Variants in PEPD observed in about 807,000 individuals in gnomAD.
The protein encoded by PEPD is xaa-Pro dipeptidase.
Under a neutral mutation model 60.7 loss-of-function variants are expected in PEPD, and 53 were observed. The ratio of observed to expected loss-of-function variants is 0.87; its 90% CI spans 0.70 to 1.10. The LOEUF is 1.10. Among genes scored for constraint, PEPD ranks in the 50% least tolerant of loss-of-function variants. PEPD has a pLI of 0.00. For missense variants in PEPD, 711 were observed against 711.9 expected, an observed-to-expected ratio of 1.00 and a Z score of 0.01; for synonymous variants, 267 against 284.1, an observed-to-expected ratio of 0.94 and a Z score of 0.60.
chr19:33,413,305 G>A (rs1203875243), intron 10 of PEPD, among the ~76,000 whole-genome samples: 2 of 152,224 alleles, frequency 1.3e-5, no homozygotes, highest in African/African-American at 4.8e-5. Context: ...GACCAGCTGG[G>A]GACAGGAGGG....
intron 9 of PEPD, among the ~76,000 whole-genome samples, chr19:33,436,359 G>A (rs1969376360): frequency 1.3e-5 from 2 of 152,166 alleles, no homozygotes; most frequent in African/African-American, 2.4e-5. Flanking sequence ...CCCTGCCTAA[G>A]AGGCAGGCGG....
At position 33,411,663 on chromosome 19, in the gene PEPD, C is replaced by T; in HGVS notation, c.818+9G>A. 1 of 1,553,638 alleles carries T rather than the reference C, an allele frequency of 6.4e-7. No homozygotes were observed. The highest frequency in any genetic ancestry group is 2.2e-5 in the East Asian group (1 of 44,570). ...CACACACAGAGCCAGGGCCGCTGGC[C>T]CTACTTACCACATATCCCCATTCTG... On this transcript the variant is annotated intron_variant, in intron 11 of 14. Transcript: ENST00000244137.
At chr19:33,404,010 G>A (rs1434608126) in intron 11 of PEPD, among the ~76,000 whole-genome samples, 2 of 152,226 alleles carry the variant, frequency 1.3e-5, no homozygotes, top group Non-Finnish European at 2.9e-5. Flanking sequence ...GCTCTAAACT[G>A]AAGGGAAACT....
chr19:33,427,546 C>T (rs571008953), intron 9 of PEPD, among the ~76,000 whole-genome samples: 76 of 152,318 alleles, frequency 5.0e-4, no homozygotes, highest in East Asian at 1.9e-4. Context: ...ATCCTCCAAT[C>T]GGAGGATGCC....
At chr19:33,485,729 A>G (rs1270395506) in intron 6 of PEPD, among the ~76,000 whole-genome samples, 4 of 152,204 alleles carry the variant, frequency 2.6e-5, no homozygotes, top group African/African-American at 9.7e-5. Flanking sequence ...AATGGAATCA[A>G]TTCGTTACCA....
intron 7 of PEPD, among the ~76,000 whole-genome samples, chr19:33,465,649 G>A (rs1970007221): frequency 1.3e-5 from 2 of 152,020 alleles, no homozygotes; most frequent in South Asian, 4.2e-4. Flanking sequence ...TCCTCAATAC[G>A]CTTCCTGCCT....
intron 11 of PEPD, 74 bp downstream of exon 11, chr19:33,411,598 G>T: frequency 1.2e-6 from 1 of 818,350 alleles, no homozygotes; most frequent in African/African-American, 1.7e-5. Flanking sequence ...AGAGGCTTCT[G>T]GGCCATCTTG....
chr19:33,519,184 G>A (rs1455177233), intron 1 of PEPD, among the ~76,000 whole-genome samples: 2 of 152,194 alleles, frequency 1.3e-5, no homozygotes, highest in Non-Finnish European at 2.9e-5. Flanking sequence ...GGTGACCTCA[G>A]CGCACTCTGT....
intron 7 of PEPD, among the ~76,000 whole-genome samples, chr19:33,475,177 AGATAG>A (rs1970192563): frequency 6.6e-6 from 1 of 151,884 alleles, no homozygotes; most frequent in Non-Finnish European, 1.5e-5. Flanking sequence ...AGCAGGGAGG[AGATAG>A]GGCTAGAATT....
At chr19:33,416,171 C>T (rs1230724606) in intron 9 of PEPD, among the ~76,000 whole-genome samples, 5 of 152,304 alleles carry the variant, frequency 3.3e-5, no homozygotes, top group East Asian at 1.9e-4. Context: ...CGTGTGCCCC[C>T]GCACAGCTGG....
At chr19:33,506,629 AAC>A (rs932925563) in intron 3 of PEPD, among the ~76,000 whole-genome samples, 4 of 127,070 alleles carry the variant, frequency 3.1e-5, no homozygotes, top group Non-Finnish European at 4.9e-5. Context: ...GCCCACTCAC[AAC>A]ACAGCACACA....
chr19:33,445,324 C>G (rs1219233925), intron 9 of PEPD, among the ~76,000 whole-genome samples: 1 of 152,212 alleles, frequency 6.6e-6, no homozygotes. Context: ...CTATTTTAAT[C>G]AGCTCAACAG....
chr19:33,486,378 T>C (rs1970397442), intron 6 of PEPD, among the ~76,000 whole-genome samples: 1 of 149,968 alleles, frequency 6.7e-6, no homozygotes, highest in Admixed American at 6.6e-5. Context: ...TTGGGACTGC[T>C]CCAATCAAGC....
chr19:33,423,095 T>TCATCCATCCATCCATCCATCCATCCATC lies in PEPD; in HGVS notation c.672-9480_672-9453dup, dbSNP rs56734200. On this transcript the variant is annotated intron_variant, in intron 9 of 14. Transcript: ENST00000244137. Reference sequence around the variant, plus strand: ...ATCAGCCTACATACTTACCTACTTATCATCCATCCATCCATCCATCCATCC... The same window carrying TCATCCATCCATCCATCCATCCATCCATC: ...ATCAGCCTACATACTTACCTACTTATCATCCATCCATCCATCCATCCATCCATCCATCCATCCATCCATCCATCCATCC... 8.1e-5 allele frequency among the ~76,000 whole-genome samples: 12 copies of TCATCCATCCATCCATCCATCCATCCATC among 147,458 alleles called. No homozygotes were observed. The East Asian group carries it at 8.4e-4, about 10-fold the overall frequency.
intron 9 of PEPD, among the ~76,000 whole-genome samples, chr19:33,449,366 G>T (rs1032861970): frequency 1.3e-5 from 2 of 152,192 alleles, no homozygotes; most frequent in African/African-American, 2.4e-5. Flanking sequence ...CAGCTGTGCA[G>T]AAAGAGCCAG....
At chr19:33,465,056 G>A (rs1012050664) in intron 7 of PEPD, among the ~76,000 whole-genome samples, 5 of 152,150 alleles carry the variant, frequency 3.3e-5, no homozygotes, top group South Asian at 2.1e-4. Flanking sequence ...TCTGAAAAAC[G>A]GAGATATGAA....
chr19:33,420,972 C>T lies in PEPD; in HGVS notation c.672-7329G>A, dbSNP rs78820813. The stretch of plus-strand genomic sequence containing the variant: ...TGGAATCAAACAATATGGTCTCTTG[C>T]GTTGGCTGCTTCCGCTGCCACAATG... On this transcript the variant is annotated intron_variant, in intron 9 of 14. Transcript: ENST00000244137. Among the ~76,000 whole-genome samples, 893 of 152,262 alleles carry T rather than the reference C, an allele frequency of 5.9e-3. 3 individuals are homozygous for T. Among genetic ancestry groups the T allele is most frequent in the Non-Finnish European group, 9.4e-3 (642 of 68,016 alleles).
chr19:33,496,034 A>C (rs1446620633), intron 4 of PEPD, among the ~76,000 whole-genome samples: 2 of 152,090 alleles, frequency 1.3e-5, no homozygotes, highest in African/African-American at 4.8e-5. Flanking sequence ...GTCCCTACAC[A>C]CCCTCAGCCC....
intron 1 of PEPD, among the ~76,000 whole-genome samples, chr19:33,519,549 A>G (rs1430956428): frequency 2.0e-5 from 3 of 152,160 alleles, no homozygotes; most frequent in African/African-American, 7.2e-5. Flanking sequence ...CGGGAAACAC[A>G]CTTAATCATT....
Sources: gnomAD v4.1 joint callset for allele counts (sites outside exome capture counted in the v4.1 genomes callset) on GRCh38, gnomAD v4.1.1 for gene constraint, MANE v1.5 for transcripts, NCBI Gene and HGNC (gene_info 2026-07-23, HGNC 2026-07-21) for gene names.